TUSC3: variants seen among roughly 807,000 people sequenced by gnomAD.
TUSC3 encodes tumor suppressor candidate 3.
A neutral mutation model predicts 44.8 loss-of-function variants in TUSC3; 45 were observed. The observed-to-expected ratio is 1.00, with a 90% CI of 0.79 to 1.29. TUSC3 has a LOEUF of 1.29. Ranked by LOEUF, TUSC3 falls within the 50% of genes most tolerant of loss-of-function variation. The probability of loss-of-function intolerance (pLI) is 0.00; values close to 1 mark genes in which losing one functional copy is unlikely to be tolerated. For synonymous variants in TUSC3, 212 were observed against 152.9 expected (o/e 1.39, Z -2.85); for missense variants, 519 against 437.9 (o/e 1.19, Z -1.65).
chr8:15,546,914 T>A (rs996648247), intron 1 of TUSC3, among the ~76,000 whole-genome samples: 1 of 151,686 alleles, frequency 6.6e-6, no homozygotes, highest in African/African-American at 2.4e-5. Flanking sequence ...CCTGTCTCTA[T>A]TTCTTTTTAA....
intron 1 of TUSC3, among the ~76,000 whole-genome samples, chr8:15,456,656 T>A (rs1297035479): frequency 6.6e-6 from 1 of 152,026 alleles, no homozygotes; most frequent in African/African-American, 2.4e-5. Context: ...TTTTATTAAA[T>A]GAAAATTCAA....
At chr8:15,505,380 G>C (rs1006256747) in intron 2 of TUSC3, among the ~76,000 whole-genome samples, 8 of 152,176 alleles carry the variant, frequency 5.3e-5, no homozygotes, top group African/African-American at 1.9e-4. Flanking sequence ...TCATTTTTCA[G>C]GTTTGTACTT....
At chr8:15,487,921 T>G (rs182873266) in intron 2 of TUSC3, among the ~76,000 whole-genome samples, 1 of 149,842 alleles carries the variant, frequency 6.7e-6, no homozygotes, top group East Asian at 2.0e-4. Context: ...TTTTTTTTAC[T>G]GAAAAGAAGA....
chr8:15,823,531 G>A, the TUSC3 span, among the ~76,000 whole-genome samples: 147 of 151,934 alleles, frequency 9.7e-4, no homozygotes, highest in Non-Finnish European at 1.4e-3. Context: ...ATTCATTATT[G>A]TAGATTCTTC....
At chr8:15,602,105 C>T (rs1209081405) in intron 1 of TUSC3, among the ~76,000 whole-genome samples, 1 of 151,462 alleles carries the variant, frequency 6.6e-6, no homozygotes, top group Non-Finnish European at 1.5e-5. Flanking sequence ...TTTTGGATTT[C>T]AGATGTTAAG....
intron 2 of TUSC3, among the ~76,000 whole-genome samples, chr8:15,644,626 A>T (rs1806542373): frequency 6.6e-6 from 1 of 152,072 alleles, no homozygotes; most frequent in Admixed American, 6.6e-5. Context: ...AGAAGTTGGG[A>T]TATGGAGGGC....
chr8:15,537,361 T>C (rs959551611), upstream of TUSC3, among the ~76,000 whole-genome samples: 2 of 152,122 alleles, frequency 1.3e-5, no homozygotes, highest in Non-Finnish European at 2.9e-5. Flanking sequence ...CCAATGCATT[T>C]CTTAAATGTA....
At chr8:15,486,572 G>C (rs1800735794) in intron 2 of TUSC3, among the ~76,000 whole-genome samples, 1 of 151,872 alleles carries the variant, frequency 6.6e-6, no homozygotes, top group African/African-American at 2.4e-5. Flanking sequence ...AGCCTCCCAA[G>C]TAGCTGGGAT....
At chr8:15,783,718 T>C in the TUSC3 span, among the ~76,000 whole-genome samples, 1 of 152,098 alleles carries the variant, frequency 6.6e-6, no homozygotes. Context: ...CAATTCAAAA[T>C]GGATTAAACA....
At chr8:15,427,100 T>G (rs573522543) in intron 1 of TUSC3, among the ~76,000 whole-genome samples, 49 of 147,990 alleles carry the variant, frequency 3.3e-4, no homozygotes, top group African/African-American at 1.2e-3. Flanking sequence ...GCCATTGATT[T>G]GTAAGAGTTT....
chr8:15,756,889 G>A (rs988825004), intron 9 of TUSC3, among the ~76,000 whole-genome samples: 5 of 152,108 alleles, frequency 3.3e-5, no homozygotes, highest in South Asian at 2.1e-4. Flanking sequence ...CAGGCCTCAC[G>A]CCTAGCACAT....
chr8:15,610,419 ATGT>A (rs1804709545), intron 1 of TUSC3, among the ~76,000 whole-genome samples: 2 of 152,162 alleles, frequency 1.3e-5, no homozygotes, highest in African/African-American at 4.8e-5. Context: ...GTAGAATTTA[ATGT>A]TGATGTGTTT....
chr8:15,720,961 C>G (rs1810279344), intron 6 of TUSC3, among the ~76,000 whole-genome samples: 1 of 152,060 alleles, frequency 6.6e-6, no homozygotes, highest in African/African-American at 2.4e-5. Flanking sequence ...ATTATGAAAG[C>G]ATTTTCATGT....
At chr8:15,802,880 C>G in the TUSC3 span, among the ~76,000 whole-genome samples, 1 of 151,398 alleles carries the variant, frequency 6.6e-6, no homozygotes, top group African/African-American at 2.4e-5. Context: ...GTGGTCATTC[C>G]AGCAGAAAAG....
chr8:15,440,243 G>A (rs995183187), intron 1 of TUSC3, among the ~76,000 whole-genome samples: 8 of 152,160 alleles, frequency 5.3e-5, no homozygotes, highest in Non-Finnish European at 7.3e-5. Context: ...AACTTTACGG[G>A]CAGTGGAAAC....
chr8:15,421,369 T>C (rs1195532588), intron 1 of TUSC3, among the ~76,000 whole-genome samples: 1 of 152,064 alleles, frequency 6.6e-6, no homozygotes, highest in Non-Finnish European at 1.5e-5. Context: ...ACACTACCTT[T>C]GAGCCCTTAC....
At chr8:15,453,155 A>C (rs1800215499) in intron 1 of TUSC3, among the ~76,000 whole-genome samples, 1 of 152,180 alleles carries the variant, frequency 6.6e-6, no homozygotes. Context: ...CACAGCTTAT[A>C]CATGTGATTG....
At chr8:15,748,751 C>G in intron 9 of TUSC3, 1 of 575,278 alleles carries the variant, frequency 1.7e-6, no homozygotes, top group Non-Finnish European at 3.4e-6. Context: ...AAATTTTTAT[C>G]TTCCCTTAGT....
At chr8:15,719,617 C>A (rs1810218771) in intron 6 of TUSC3, among the ~76,000 whole-genome samples, 1 of 151,682 alleles carries the variant, frequency 6.6e-6, no homozygotes, top group South Asian at 2.1e-4. Context: ...TGTAACTTGC[C>A]ATGTATTAGA....
Sources: gnomAD v4.1 joint callset for allele counts (sites outside exome capture counted in the v4.1 genomes callset) on GRCh38, gnomAD v4.1.1 for gene constraint, MANE v1.5 for transcripts, NCBI Gene and HGNC (gene_info 2026-07-23, HGNC 2026-07-21) for gene names.